The following SOX5 variants were observed in gnomAD, a reference collection of about 807,000 sequenced individuals.
SOX5 encodes transcription factor SOX-5.
A neutral mutation model predicts 92.0 loss-of-function variants in SOX5; 9 were observed. The ratio of observed to expected loss-of-function variants is 0.10; its 90% confidence interval spans 0.06 to 0.17. The LOEUF is 0.17. Among genes scored for constraint, SOX5 ranks in the 10% least tolerant of loss-of-function variants. The probability of loss-of-function intolerance (pLI) is 1.00; values close to 1 mark genes in which losing one functional copy is unlikely to be tolerated. For synonymous variants in SOX5, 344 were observed against 336.3 expected (o/e 1.02, Z -0.25); for missense variants, 642 against 944.5 (o/e 0.68, Z 4.20).
At chr12:24,498,665 A>T (rs887593340) in intron 1 of SOX5, among the ~76,000 whole-genome samples, 1 of 152,190 alleles carries the variant, frequency 6.6e-6, no homozygotes, top group Non-Finnish European at 1.5e-5. Context: ...TTTATAATCC[A>T]CTACTCTAAA....
chr12:24,097,810 T>C (rs1459377308), intron 4 of SOX5, among the ~76,000 whole-genome samples: 2 of 152,178 alleles, frequency 1.3e-5, no homozygotes, highest in African/African-American at 4.8e-5. Flanking sequence ...TGCATATTCC[T>C]CTGAAGTTTT....
intron 3 of SOX5, among the ~76,000 whole-genome samples, chr12:23,773,046 T>C (rs1267302577): frequency 1.3e-5 from 2 of 152,174 alleles, no homozygotes; most frequent in Non-Finnish European, 2.9e-5. Flanking sequence ...AGGAGAAACA[T>C]TATTCTAATA....
intron 4 of SOX5, among the ~76,000 whole-genome samples, chr12:23,973,999 G>A (rs1458778864): frequency 6.6e-6 from 1 of 152,126 alleles, no homozygotes; most frequent in Non-Finnish European, 1.5e-5. Context: ...GTGCCAAAAA[G>A]GTTGGGGACT....
At chr12:24,497,742 A>G (rs1947789914) in intron 1 of SOX5, among the ~76,000 whole-genome samples, 1 of 152,182 alleles carries the variant, frequency 6.6e-6, no homozygotes, top group Non-Finnish European at 1.5e-5. Context: ...ATAAAGATAC[A>G]TGCATGCATA....
chr12:23,905,130 G>T (rs902834794), intron 1 of SOX5, among the ~76,000 whole-genome samples: 19 of 152,178 alleles, frequency 1.2e-4, no homozygotes, highest in African/African-American at 4.6e-4. Flanking sequence ...AAAAGTTTTT[G>T]AAATAATGTA....
intron 7 of SOX5, among the ~76,000 whole-genome samples, chr12:23,641,907 C>T (rs775210692): frequency 2.6e-5 from 4 of 152,080 alleles, no homozygotes; most frequent in Admixed American, 6.6e-5. Context: ...AGTTAATACG[C>T]CATTCAAAAA....
chr12:23,855,605 G>A (rs1427098355), intron 2 of SOX5, among the ~76,000 whole-genome samples: 4 of 151,806 alleles, frequency 2.6e-5, no homozygotes, highest in Non-Finnish European at 4.4e-5. Flanking sequence ...TCTTTGTGAG[G>A]ACATCAGCAC....
chr12:23,612,969 A>G (rs1008460883), intron 8 of SOX5, among the ~76,000 whole-genome samples: 1 of 152,190 alleles, frequency 6.6e-6, no homozygotes, highest in Non-Finnish European at 1.5e-5. Context: ...TTTCAGTATG[A>G]ATAAATTTGC....
intron 2 of SOX5, among the ~76,000 whole-genome samples, chr12:24,329,958 G>A (rs1951109209): frequency 6.6e-6 from 1 of 152,190 alleles, no homozygotes; most frequent in Non-Finnish European, 1.5e-5. Context: ...GGGAGGCGGA[G>A]GTGGCAGTGA....
intron 6 of SOX5, among the ~76,000 whole-genome samples, chr12:23,723,914 TTATC>T (rs1339607227): frequency 5.3e-5 from 8 of 152,110 alleles, no homozygotes; most frequent in African/African-American, 1.4e-4. Context: ...GAGATGATAT[TTATC>T]TATTATAAGC....
intron 3 of SOX5, among the ~76,000 whole-genome samples, chr12:24,232,439 G>T (rs996517671): frequency 5.3e-5 from 8 of 152,126 alleles, no homozygotes; most frequent in Admixed American, 2.0e-4. Context: ...ACAAAGAGAA[G>T]CATACTAATA....
intron 2 of SOX5, among the ~76,000 whole-genome samples, chr12:24,337,362 A>G (rs1952029794): frequency 6.7e-6 from 1 of 148,332 alleles, no homozygotes; most frequent in Non-Finnish European, 1.5e-5. Flanking sequence ...TTTAAGAGAG[A>G]GAGAGTTTCA....
chr12:24,485,716 T>C (rs1241971939), intron 1 of SOX5, among the ~76,000 whole-genome samples: 2 of 152,200 alleles, frequency 1.3e-5, no homozygotes, highest in African/African-American at 4.8e-5. Flanking sequence ...CAGTAAGGCC[T>C]ATAATATGAT....
At chr12:24,225,625 G>A (rs756663327) in intron 3 of SOX5, among the ~76,000 whole-genome samples, 6 of 152,128 alleles carry the variant, frequency 3.9e-5, no homozygotes, top group Non-Finnish European at 8.8e-5. Flanking sequence ...GTAGAAAACT[G>A]TACTTCATTG....
chr12:23,901,023 T>G (rs983793064), intron 1 of SOX5, among the ~76,000 whole-genome samples: 4 of 152,150 alleles, frequency 2.6e-5, no homozygotes, highest in Admixed American at 1.3e-4. Context: ...GATGTCCAGG[T>G]CTTAATACCT....
chr12:24,193,131 G>A (rs1285070317), intron 4 of SOX5, among the ~76,000 whole-genome samples: 5 of 151,990 alleles, frequency 3.3e-5, no homozygotes, highest in East Asian at 1.9e-4. Flanking sequence ...AAACTGTAGC[G>A]CCATATATCC....
chr12:24,380,714 G>T (rs937433868), intron 1 of SOX5, among the ~76,000 whole-genome samples: 1 of 152,074 alleles, frequency 6.6e-6, no homozygotes, highest in Non-Finnish European at 1.5e-5. Flanking sequence ...TATTTTAATT[G>T]TCCCAGAGTT....
intron 1 of SOX5, among the ~76,000 whole-genome samples, chr12:24,372,182 C>T (rs554823494): frequency 5.9e-5 from 9 of 152,166 alleles, no homozygotes; most frequent in African/African-American, 1.7e-4. Context: ...ATGTGCAGAA[C>T]GTTCAGGTTT....
intron 3 of SOX5, among the ~76,000 whole-genome samples, chr12:23,780,662 G>C (rs1358193421): frequency 1.3e-5 from 2 of 152,064 alleles, no homozygotes; most frequent in Non-Finnish European, 2.9e-5. Context: ...GAAAAGTTTT[G>C]TGTGGCAATC....
Sources: gnomAD v4.1 joint callset for allele counts (sites outside exome capture counted in the v4.1 genomes callset) on GRCh38, gnomAD v4.1.1 for gene constraint, MANE v1.5 for transcripts, NCBI Gene and HGNC (gene_info 2026-07-23, HGNC 2026-07-21) for gene names.